PDE1C: variants seen among roughly 807,000 people sequenced by gnomAD.
The protein encoded by PDE1C is dual specificity calcium/calmodulin-dependent 3',5'-cyclic nucleotide phosphodiesterase 1C.
Under a neutral mutation model 93.1 loss-of-function variants are expected in PDE1C, and 62 were observed. The ratio of observed to expected loss-of-function variants is 0.67; its 90% confidence interval spans 0.54 to 0.82. The LOEUF is 0.82. Among genes scored for constraint, PDE1C ranks in the 40% least tolerant of loss-of-function variants. The pLI, the probability that PDE1C is intolerant of heterozygous loss-of-function variation, is 0.00. For missense variants in PDE1C, 742 were observed against 884.6 expected (o/e 0.84, Z 2.04); for synonymous variants, 325 against 310.1 (o/e 1.05, Z -0.50).
At chr7:32,415,587 T>G (rs1785258370) in intron 1 of PDE1C, among the ~76,000 whole-genome samples, 1 of 151,968 alleles carries the variant, frequency 6.6e-6, no homozygotes, top group Non-Finnish European at 1.5e-5. Context: ...CAGCCTGGAG[T>G]GCAGGCAAGA....
intron 1 of PDE1C, among the ~76,000 whole-genome samples, chr7:32,060,106 C>T (rs1794625177): frequency 6.6e-6 from 1 of 152,248 alleles, no homozygotes; most frequent in Non-Finnish European, 1.5e-5. Context: ...CTTCACAGAT[C>T]TATCCCTGTA....
At chr7:32,306,936 A>T (rs1176026125) in intron 1 of PDE1C, among the ~76,000 whole-genome samples, 1 of 152,210 alleles carries the variant, frequency 6.6e-6, no homozygotes, top group Admixed American at 6.5e-5. Flanking sequence ...AGCCAGTGTC[A>T]AATTGCCATT....
chr7:32,322,620 CTTTT>C (rs60692243), intron 1 of PDE1C, among the ~76,000 whole-genome samples: 1 of 135,644 alleles, frequency 7.4e-6, no homozygotes, highest in Non-Finnish European at 1.6e-5. Flanking sequence ...TTTCTTTTTT[CTTTT>C]TTTTTTTTTT....
intron 3 of PDE1C, among the ~76,000 whole-genome samples, chr7:32,111,227 T>C (rs867998007): frequency 4.6e-5 from 7 of 152,160 alleles, no homozygotes; most frequent in Non-Finnish European, 7.3e-5. Flanking sequence ...CAAAATTATA[T>C]ATAACTAGTT....
chr7:32,357,331 C>CTCAA (rs1308569345), intron 1 of PDE1C, among the ~76,000 whole-genome samples: 1 of 141,178 alleles, frequency 7.1e-6, no homozygotes, highest in African/African-American at 3.0e-5. Flanking sequence ...GAGATTCCAT[C>CTCAA]ACACACAAAA....
At chr7:31,915,830 G>T (rs10280495) in intron 2 of PDE1C, among the ~76,000 whole-genome samples, 15,003 of 152,058 alleles carry the variant, frequency 0.099, 954 homozygotes, top group Admixed American at 0.21. Flanking sequence ...GTGACATGAG[G>T]GCCTTTGAAA....
intron 1 of PDE1C, among the ~76,000 whole-genome samples, chr7:32,427,481 A>G (rs770129118): frequency 1.1e-4 from 16 of 152,122 alleles, no homozygotes; most frequent in Non-Finnish European, 1.8e-4. Context: ...CCTTTTCCCA[A>G]TTCCCGTGGG....
At chr7:31,723,577 G>A in the PDE1C span, among the ~76,000 whole-genome samples, 3 of 152,170 alleles carry the variant, frequency 2.0e-5, no homozygotes, top group Non-Finnish European at 4.4e-5. Flanking sequence ...AGGATGGACA[G>A]ACACACCTGG....
At chr7:32,052,659 G>T (rs1793549473) in intron 1 of PDE1C, among the ~76,000 whole-genome samples, 1 of 152,170 alleles carries the variant, frequency 6.6e-6, no homozygotes, top group Non-Finnish European at 1.5e-5. Context: ...GGAGAGCTGT[G>T]TACCATATTT....
the PDE1C span, among the ~76,000 whole-genome samples, chr7:31,701,522 T>C: frequency 6.6e-6 from 1 of 152,256 alleles, no homozygotes; most frequent in African/African-American, 2.4e-5. Context: ...TAGAATATTA[T>C]GTAAACTTAG....
Position 32,372,052 on chromosome 7 carries a change from ATT to A in PDE1C, c.310+55768_310+55769del, listed in dbSNP as rs70989652. ...AAACCCAAACATCTATGGTCAATTG[ATT>A]TTTTTTTTTTTTTTTTTGAGACAGA... On this transcript the variant is annotated intron_variant, in intron 1 of 1. Coordinates refer to the PDE1C transcript ENST00000672256. Among the ~76,000 whole-genome samples the A allele has an allele frequency of 6.7e-4, 89 of 132,456 alleles. 1 individual carries two copies. Among genetic ancestry groups the A allele is most frequent in the African/African-American group, 2.3e-3 (80 of 35,170 alleles). 86.9% of individuals were successfully genotyped at this position (132,456 alleles called of 152,430 possible).
intron 1 of PDE1C, among the ~76,000 whole-genome samples, chr7:32,346,717 T>C (rs886438276): frequency 1.3e-5 from 2 of 152,240 alleles, no homozygotes; most frequent in African/African-American, 4.8e-5. Flanking sequence ...CTGCAAATTA[T>C]GTATAAATCC....
At chr7:32,220,858 C>T (rs1458147766) in intron 1 of PDE1C, among the ~76,000 whole-genome samples, 2 of 152,018 alleles carry the variant, frequency 1.3e-5, no homozygotes, top group Non-Finnish European at 2.9e-5. Context: ...GGTCCAATTC[C>T]ACATATCATG....
At chr7:31,874,874 G>C (rs13224114) in intron 5 of PDE1C, among the ~76,000 whole-genome samples, 30,436 of 152,256 alleles carry the variant, frequency 0.2, 3,938 homozygotes, top group Non-Finnish European at 0.29. Flanking sequence ...ACTTTCTCCA[G>C]TTTTATAGAT....
intron 1 of PDE1C, among the ~76,000 whole-genome samples, chr7:32,382,958 A>C (rs1482926027): frequency 1.3e-5 from 2 of 152,102 alleles, no homozygotes; most frequent in Non-Finnish European, 2.9e-5. Flanking sequence ...TCTGAAACAC[A>C]TCTCCCCAAT....
chr7:31,669,046 G>GGA, the PDE1C span, among the ~76,000 whole-genome samples: 2 of 152,138 alleles, frequency 1.3e-5, no homozygotes, highest in East Asian at 3.9e-4. Flanking sequence ...GGCATGGCCG[G>GGA]GAGTTTGGAT....
intron 1 of PDE1C, among the ~76,000 whole-genome samples, chr7:32,316,187 C>A (rs973221026): frequency 3.3e-5 from 5 of 152,100 alleles, no homozygotes; most frequent in African/African-American, 1.2e-4. Context: ...TTAGTAAATA[C>A]TTGTTGAATG....
At chr7:31,862,985 A>G (rs1421874384) in intron 7 of PDE1C, among the ~76,000 whole-genome samples, 3 of 152,162 alleles carry the variant, frequency 2.0e-5, no homozygotes, top group Non-Finnish European at 4.4e-5. Context: ...TTTTACATGA[A>G]TTTCAGATTC....
the PDE1C span, among the ~76,000 whole-genome samples, chr7:31,685,390 G>A: frequency 6.6e-6 from 1 of 152,254 alleles, no homozygotes; most frequent in South Asian, 2.1e-4. Flanking sequence ...AGTTTCATAA[G>A]ATGTTACCAT....
Sources: allele counts gnomAD v4.1 joint callset (sites outside exome capture counted in the v4.1 genomes callset), GRCh38; gene constraint gnomAD v4.1.1; transcripts MANE v1.5; gene names NCBI Gene and HGNC (gene_info 2026-07-23, HGNC 2026-07-21).